RNF24: variants seen among roughly 807,000 people sequenced by gnomAD.
The protein encoded by RNF24 is ring finger protein 24.
A neutral mutation model predicts 20.0 loss-of-function variants in RNF24; 14 were observed. The observed-to-expected ratio is 0.70, with a 90% CI of 0.46 to 1.10. The LOEUF is 1.10. RNF24 is among the 50% of genes least tolerant of loss of function. RNF24 has a pLI of 0.00. For synonymous variants in RNF24, 45 were observed against 61.1 expected (o/e 0.74, Z 1.23); for missense variants, 124 against 177.6 (o/e 0.70, Z 1.71).
intron 1 of RNF24, among the ~76,000 whole-genome samples, chr20:3,986,656 T>G (rs561658474): frequency 1.3e-5 from 2 of 151,894 alleles, no homozygotes; most frequent in South Asian, 2.1e-4. Flanking sequence ...ATAATTTTTT[T>G]TTTTTTTTTG....
At chr20:4,000,839 C>T (rs1408581988) in intron 1 of RNF24, among the ~76,000 whole-genome samples, 2 of 152,184 alleles carry the variant, frequency 1.3e-5, no homozygotes, top group African/African-American at 4.8e-5. Flanking sequence ...CATTTTGAGG[C>T]TAAATAGTGA....
chr20:3,963,458 G>C (rs1452332878), intron 2 of RNF24, among the ~76,000 whole-genome samples: 1 of 152,260 alleles, frequency 6.6e-6, no homozygotes, highest in Non-Finnish European at 1.5e-5. Context: ...CTCCCAAAGT[G>C]CTGGGATTAC....
intron 1 of RNF24, among the ~76,000 whole-genome samples, chr20:3,978,010 C>T (rs891339908): frequency 6.6e-6 from 1 of 151,958 alleles, no homozygotes; most frequent in Non-Finnish European, 1.5e-5. Flanking sequence ...TTTTACAGTG[C>T]AATAGGGAAA....
chr20:3,987,591 C>G (rs1980039309), intron 1 of RNF24, among the ~76,000 whole-genome samples: 1 of 152,158 alleles, frequency 6.6e-6, no homozygotes, highest in South Asian at 2.1e-4. Context: ...GACTCATTAG[C>G]TCCTGGTTCT....
intron 1 of RNF24, among the ~76,000 whole-genome samples, chr20:3,997,928 C>T (rs900471013): frequency 6.6e-6 from 1 of 152,234 alleles, no homozygotes; most frequent in Non-Finnish European, 1.5e-5. Context: ...AAATGCCCCA[C>T]TTTTCAGAGG....
chr20:3,961,297 G>A (rs1315797168), intron 2 of RNF24, among the ~76,000 whole-genome samples: 2 of 151,788 alleles, frequency 1.3e-5, no homozygotes, highest in Non-Finnish European at 2.9e-5. Flanking sequence ...AGCTACTCAG[G>A]AGGCTGAGAT....
intron 1 of RNF24, among the ~76,000 whole-genome samples, chr20:3,968,468 A>G (rs2091282649): frequency 6.6e-6 from 1 of 152,164 alleles, no homozygotes; most frequent in Non-Finnish European, 1.5e-5. Flanking sequence ...AAATTAAAAA[A>G]TTAGTTGGGC....
At chr20:3,984,236 T>TA (rs556690597) in intron 1 of RNF24, among the ~76,000 whole-genome samples, 415 of 142,954 alleles carry the variant, frequency 2.9e-3, no homozygotes, top group African/African-American at 5.9e-3. Flanking sequence ...CCCTGTCTCT[T>TA]AAAAAAAAAA....
chr20:3,979,930 G>C (rs1334049300), intron 1 of RNF24, among the ~76,000 whole-genome samples: 1 of 151,774 alleles, frequency 6.6e-6, no homozygotes, highest in Non-Finnish European at 1.5e-5. Context: ...CTGGAAAGTA[G>C]AAAAAGAACA....
chr20:4,002,461 A>G (rs981400542), intron 1 of RNF24, among the ~76,000 whole-genome samples: 4 of 152,196 alleles, frequency 2.6e-5, no homozygotes, highest in Admixed American at 2.6e-4. Context: ...AGGATAAATG[A>G]AACAAATGTG....
chr20:3,972,148 A>C (rs1336119337), intron 1 of RNF24, among the ~76,000 whole-genome samples: 1 of 152,222 alleles, frequency 6.6e-6, no homozygotes, highest in African/African-American at 2.4e-5. Context: ...AAAACATGTG[A>C]AGGAAAAACT....
chr20:3,956,970 G>A (rs996124436), intron 2 of RNF24, among the ~76,000 whole-genome samples: 10 of 152,148 alleles, frequency 6.6e-5, no homozygotes, highest in African/African-American at 2.4e-4. Context: ...AACATAGTGG[G>A]ACTCTGTCTC....
At chr20:3,973,500 C>CAAAA (rs56824542) in intron 1 of RNF24, among the ~76,000 whole-genome samples, 20 of 101,100 alleles carry the variant, frequency 2.0e-4, no homozygotes, top group East Asian at 6.6e-4. Context: ...GGAAGAATGA[C>CAAAA]AAAAAAAAAA....
intron 2 of RNF24, among the ~76,000 whole-genome samples, chr20:3,955,242 C>T (rs1016220554): frequency 2.0e-5 from 3 of 152,162 alleles, no homozygotes; most frequent in African/African-American, 7.2e-5. Context: ...TTAATATATT[C>T]TGGGTATTAA....
chr20:3,995,826 C>CA (rs1568660772), intron 1 of RNF24, among the ~76,000 whole-genome samples: 4 of 147,022 alleles, frequency 2.7e-5, no homozygotes, highest in Non-Finnish European at 1.5e-5. Context: ...TTTGGTTCTG[C>CA]TTTTTTTTTT....
In RNF24 at chr20:3,928,011, G is replaced by T. The variant is rs544153769; in HGVS notation, c.*6052C>A. ...CTACACAAGCCCCTCTTTTTCTTCT[G>T]ATATCCCCACTCAAATGGAAGCACA... On this transcript the variant is annotated 3_prime_UTR_variant, in exon 6 of 6. Coordinates refer to ENST00000358395, the MANE Select transcript of RNF24 (RefSeq NM_001134337.3). 1 of 152,082 alleles carries T rather than the reference G, an allele frequency of 6.6e-6. No individual in the cohort carries two copies. Among genetic ancestry groups the T allele is most frequent in the East Asian group, 1.9e-4 (1 of 5,192 alleles). The allele number at this position is 152,082 out of a possible 1,614,324, so 9.4% of individuals were successfully genotyped here.
chr20:3,974,200 G>A (rs1250035735), intron 1 of RNF24: 4 of 839,450 alleles, frequency 4.8e-6, no homozygotes, highest in Non-Finnish European at 6.9e-6. Context: ...CCCAGAAATA[G>A]AAATGGAAGA....
At chr20:3,943,043 T>A (rs2090976176) in intron 4 of RNF24, among the ~76,000 whole-genome samples, 1 of 151,302 alleles carries the variant, frequency 6.6e-6, no homozygotes. Context: ...CTTGAACTCC[T>A]GACCACAGGT....
At chr20:3,946,893 A>C (rs1476699469) in intron 3 of RNF24, among the ~76,000 whole-genome samples, 1 of 152,066 alleles carries the variant, frequency 6.6e-6, no homozygotes, top group Non-Finnish European at 1.5e-5. Flanking sequence ...AAAGATGAAC[A>C]GAAAGATAAG....
Sources: gnomAD v4.1 joint callset for allele counts (sites outside exome capture counted in the v4.1 genomes callset) on GRCh38, gnomAD v4.1.1 for gene constraint, MANE v1.5 for transcripts, NCBI Gene and HGNC (gene_info 2026-07-23, HGNC 2026-07-21) for gene names.